The following FRMD4A variants were observed in gnomAD, a reference collection of about 807,000 sequenced individuals.
FRMD4A encodes FERM domain containing 4A, also known as FERM domain-containing protein 4A.
FRMD4A carries 29 observed loss-of-function variants against 129.1 expected under a neutral mutation model. That is an observed-to-expected ratio of 0.22 (90% CI 0.17 to 0.31). FRMD4A has a LOEUF of 0.31. Among genes scored for constraint, FRMD4A ranks in the 10% least tolerant of loss-of-function variants. The probability of loss-of-function intolerance (pLI) is 1.00; values close to 1 mark genes in which losing one functional copy is unlikely to be tolerated. For missense variants in FRMD4A, 1,272 were observed against 1,375.8 expected, an observed-to-expected ratio of 0.92 and a Z score of 1.19; for synonymous variants, 634 against 571.6, an observed-to-expected ratio of 1.11 and a Z score of -1.56.
chr10:13,795,564 G>A (rs940781437), intron 5 of FRMD4A, among the ~76,000 whole-genome samples: 4 of 152,104 alleles, frequency 2.6e-5, no homozygotes, highest in Admixed American at 6.5e-5. Flanking sequence ...TTTGTATCTC[G>A]CTCCTGAATT....
intron 9 of FRMD4A, among the ~76,000 whole-genome samples, chr10:13,744,970 C>A (rs1541017): frequency 0.071 from 10,783 of 152,166 alleles, 946 homozygotes; most frequent in African/African-American, 0.2. Flanking sequence ...AAATAGTTAG[C>A]TAGAAGGAAT....
intron 2 of FRMD4A, among the ~76,000 whole-genome samples, chr10:14,201,084 G>A (rs1222149244): frequency 6.6e-6 from 1 of 152,210 alleles, no homozygotes; most frequent in Non-Finnish European, 1.5e-5. Flanking sequence ...TCAGAGCTCA[G>A]TGTTCAGGCC....
intron 2 of FRMD4A, among the ~76,000 whole-genome samples, chr10:14,004,236 T>C (rs1466914584): frequency 6.6e-6 from 1 of 152,130 alleles, no homozygotes. Flanking sequence ...TATAAAAAAT[T>C]GTCATCTGTT....
At chr10:13,708,388 A>G (rs1410569640) in intron 12 of FRMD4A, among the ~76,000 whole-genome samples, 1 of 152,220 alleles carries the variant, frequency 6.6e-6, no homozygotes, top group African/African-American at 2.4e-5. Context: ...CTGGGCTGGA[A>G]TAAAAACTGC....
chr10:13,715,052 TA>T (rs11308475), intron 12 of FRMD4A, among the ~76,000 whole-genome samples: 91,760 of 150,928 alleles, frequency 0.61, 28,540 homozygotes, highest in Middle Eastern at 0.72. Flanking sequence ...AATAAAAAAT[TA>T]AAAAAAAAAA....
At chr10:14,107,380 A>G (rs1258478379) in intron 2 of FRMD4A, among the ~76,000 whole-genome samples, 1 of 152,246 alleles carries the variant, frequency 6.6e-6, no homozygotes, top group Non-Finnish European at 1.5e-5. Flanking sequence ...AAAATAAACC[A>G]AAAGTTGCTT....
At chr10:14,269,588 C>G (rs1845090967) in intron 2 of FRMD4A, among the ~76,000 whole-genome samples, 1 of 152,116 alleles carries the variant, frequency 6.6e-6, no homozygotes, top group Admixed American at 6.6e-5. Flanking sequence ...CTGACCCCAA[C>G]AGAGAAAAGT....
At chr10:13,953,083 G>A (rs983118127) in intron 2 of FRMD4A, among the ~76,000 whole-genome samples, 1 of 152,110 alleles carries the variant, frequency 6.6e-6, no homozygotes, top group Admixed American at 6.6e-5. Context: ...CAGCTGATGT[G>A]AGGACTAAAT....
Position 13,966,370 on chromosome 10 carries a change from G to T in FRMD4A, c.46-107458C>A, listed in dbSNP as rs568857400. ...ATTAAGTTGGTGCAAAAGCAATGGC[G>T]GTTTTTGCTGTAATTAAAAGTAATG... On this transcript the variant is annotated intron_variant, in intron 2 of 24. Coordinates refer to ENST00000357447, the MANE Select transcript of FRMD4A (RefSeq NM_018027.5). Among the ~76,000 whole-genome samples, 11 of 152,196 alleles carry T rather than the reference G, an allele frequency of 7.2e-5. No homozygotes were observed. In the East Asian group the frequency reaches 9.7e-4, roughly 13 times the overall value.
At position 13,890,992 on chromosome 10, in the gene FRMD4A, G is replaced by T. The variant is rs2094689045; in HGVS notation, c.46-32080C>A. The T allele has an allele frequency of 1.6e-5, 4 of 247,550 alleles. No homozygotes were observed. The South Asian group carries it at 4.5e-4, about 28-fold the overall frequency. The allele number at this position is 247,550 out of a possible 1,614,324, so 15.3% of individuals were successfully genotyped here. The stretch of plus-strand genomic sequence containing the variant: ...AGGCAGCCCACGCAGCTTTCTCGGT[G>T]CAGCACCGGGAATCTTTTCTGAATT... On this transcript the variant is annotated intron_variant, in intron 2 of 24. Coordinates refer to ENST00000357447, the MANE Select transcript of FRMD4A (RefSeq NM_018027.5).
intron 4 of FRMD4A, among the ~76,000 whole-genome samples, chr10:13,809,822 T>C (rs1213230474): frequency 6.6e-6 from 1 of 152,202 alleles, no homozygotes; most frequent in Non-Finnish European, 1.5e-5. Flanking sequence ...TTTTGTTCAG[T>C]GTCTCAATTT....
intron 2 of FRMD4A, among the ~76,000 whole-genome samples, chr10:14,282,702 G>T (rs1421961708): frequency 6.6e-6 from 1 of 152,150 alleles, no homozygotes; most frequent in Non-Finnish European, 1.5e-5. Flanking sequence ...TAGACTCCAG[G>T]TCATAGCAGA....
intron 2 of FRMD4A, among the ~76,000 whole-genome samples, chr10:14,213,056 G>A (rs1204735225): frequency 6.6e-6 from 1 of 152,000 alleles, no homozygotes; most frequent in Non-Finnish European, 1.5e-5. Context: ...TGGCAACGTA[G>A]TGAGATCCCA....
intron 12 of FRMD4A, among the ~76,000 whole-genome samples, chr10:13,736,482 A>G (rs77793737): frequency 0.012 from 1,880 of 152,358 alleles, 67 homozygotes; most frequent in South Asian, 0.11. Context: ...TTCTCAGTCA[A>G]TAATTCCCCC....
intron 15 of FRMD4A, among the ~76,000 whole-genome samples, chr10:13,675,398 GTATT>G (rs2083892731): frequency 6.6e-6 from 1 of 152,138 alleles, no homozygotes; most frequent in Non-Finnish European, 1.5e-5. Context: ...ATTTTAATAC[GTATT>G]GAGTTATTTA....
intron 2 of FRMD4A, among the ~76,000 whole-genome samples, chr10:14,044,089 T>C (rs1833889936): frequency 6.6e-6 from 1 of 152,190 alleles, no homozygotes; most frequent in Non-Finnish European, 1.5e-5. Flanking sequence ...TTAAACTCCC[T>C]AGGTGCTGGG....
intron 12 of FRMD4A, among the ~76,000 whole-genome samples, chr10:13,721,777 G>A (rs1461532160): frequency 6.6e-6 from 1 of 152,228 alleles, no homozygotes; most frequent in Non-Finnish European, 1.5e-5. Flanking sequence ...CTAGTGAGGA[G>A]TCTGGCCAGT....
At chr10:13,859,027 G>A in intron 2 of FRMD4A, 115 bp from the exon 3 acceptor site, 1 of 737,794 alleles carries the variant, frequency 1.4e-6, no homozygotes, top group Non-Finnish European at 2.5e-6. Context: ...CTTCCTCTGG[G>A]AGTCGGCACT....
At chr10:14,227,597 A>G (rs369938964) in intron 2 of FRMD4A, among the ~76,000 whole-genome samples, 19 of 151,984 alleles carry the variant, frequency 1.3e-4, no homozygotes, top group African/African-American at 4.6e-4. Context: ...TCTCAGCTTG[A>G]GCGTCACTTA....
Sources: gnomAD v4.1 joint callset for allele counts (sites outside exome capture counted in the v4.1 genomes callset) on GRCh38, gnomAD v4.1.1 for gene constraint, MANE v1.5 for transcripts, NCBI Gene and HGNC (gene_info 2026-07-23, HGNC 2026-07-21) for gene names.